Variants in RBM17 observed in about 807,000 individuals in gnomAD.
RBM17 encodes the protein RNA binding motif protein 17, also known as splicing factor 45.
In RBM17, 7 loss-of-function variants were observed where a neutral mutation model predicts 53.2. The ratio of observed to expected loss-of-function variants is 0.13; its 90% confidence interval spans 0.07 to 0.25. The LOEUF (loss-of-function observed/expected upper bound fraction) is 0.25. Ranked by LOEUF, RBM17 falls within the 10% of genes least tolerant of loss-of-function variation. The pLI is 1.00. For missense variants in RBM17, 257 were observed against 496.7 expected, an observed-to-expected ratio of 0.52 and a Z score of 4.59; for synonymous variants, 167 against 178.1, an observed-to-expected ratio of 0.94 and a Z score of 0.50.
At chr10:6,098,556 G>GGTTTTTTTTTTTTT (rs1840613398) in intron 2 of RBM17, among the ~76,000 whole-genome samples, 3 of 87,982 alleles carry the variant, frequency 3.4e-5, no homozygotes, top group South Asian at 4.3e-4. Context: ...TAATACACAG[G>GGTTTTTTTTTTTTT]TTTTTTGTTT....
intron 1 of RBM17, among the ~76,000 whole-genome samples, chr10:6,090,427 T>G (rs1012330687): frequency 6.6e-6 from 1 of 152,186 alleles, no homozygotes; most frequent in Non-Finnish European, 1.5e-5. Context: ...GCTTTATTTT[T>G]AGAGTTAGTT....
rs1254558099 is a variant in RBM17 at position 6,097,196 on chromosome 10, CA to C, written c.123+10del. On this transcript the variant is annotated intron_variant, in intron 2 of 11. Coordinates refer to ENST00000379888, the MANE Select transcript of RBM17 (RefSeq NM_032905.5). ...GCTCTCACTCAGGCAAAGGTAAAGA[CA>C]AGCCCAGAGCATGAGAGCAGAGGCC... The C allele has an allele frequency of 6.2e-7, 1 of 1,613,228 alleles. No individual in the cohort carries two copies. Among genetic ancestry groups the C allele is most frequent in the Non-Finnish European group, 8.5e-7 (1 of 1,179,462 alleles).
chr10:6,108,798 T>C (rs1840793721), intron 6 of RBM17, 56 bp downstream of exon 6: 7 of 1,400,002 alleles, frequency 5.0e-6, no homozygotes, highest in Admixed American at 3.6e-5. Flanking sequence ...AACCCAACCA[T>C]GGGGGATCTC....
intron 1 of RBM17, 74 bp from the exon 2 acceptor site, chr10:6,096,974 A>G (rs996102477): frequency 2.8e-6 from 4 of 1,439,232 alleles, no homozygotes; most frequent in Non-Finnish European, 2.8e-6. Context: ...CTAAAATTTC[A>G]TGATACTTAT....
At chr10:6,099,873 CATGGTGAAACCT>C (rs1431036604) in intron 2 of RBM17, among the ~76,000 whole-genome samples, 3 of 152,132 alleles carry the variant, frequency 2.0e-5, no homozygotes, top group African/African-American at 7.2e-5. Context: ...GCCTGACCAA[CATGGTGAAACCT>C]TATCTCTAAT....
At chr10:6,102,317 C>T (rs1165406698) in intron 3 of RBM17, among the ~76,000 whole-genome samples, 1 of 152,178 alleles carries the variant, frequency 6.6e-6, no homozygotes, top group Non-Finnish European at 1.5e-5. Context: ...CACTCCTGCC[C>T]ATCTGTTTCA....
intron 1 of RBM17, among the ~76,000 whole-genome samples, chr10:6,094,960 A>G (rs1424411553): frequency 6.6e-6 from 1 of 152,188 alleles, no homozygotes; most frequent in Non-Finnish European, 1.5e-5. Flanking sequence ...ACCTGGATCT[A>G]GGTTTTCTTG....
intron 2 of RBM17, among the ~76,000 whole-genome samples, chr10:6,098,516 A>T (rs1392280314): frequency 6.7e-6 from 1 of 148,704 alleles, no homozygotes; most frequent in African/African-American, 2.5e-5. Context: ...AATTAATATT[A>T]ATCTCTAATT....
chr10:6,113,714 A>G lies in RBM17; in HGVS notation c.930+133A>G, dbSNP rs1840872151. The G allele has an allele frequency of 1.6e-5, 11 of 672,152 alleles. No individual in the cohort carries two copies. In the East Asian group the frequency reaches 2.8e-4, roughly 17 times the overall value. 41.6% of individuals were successfully genotyped at this position (672,152 alleles called of 1,614,324 possible). ...ATAATACTTTGGGCAGATCCCACGT[A>G]AGGCTGATTTTAGATTTTTCACTAA... On this transcript the variant is annotated intron_variant, in intron 9 of 11. Coordinates refer to ENST00000379888, the MANE Select transcript of RBM17 (RefSeq NM_032905.5).
intron 1 of RBM17, among the ~76,000 whole-genome samples, chr10:6,094,279 G>A (rs1378127067): frequency 6.6e-6 from 1 of 152,236 alleles, no homozygotes; most frequent in Non-Finnish European, 1.5e-5. Context: ...CACCCGGCCT[G>A]GTGTGGAATG....
intron 2 of RBM17, among the ~76,000 whole-genome samples, chr10:6,100,669 C>CA (rs5782871): frequency 3.3e-5 from 5 of 151,700 alleles, no homozygotes; most frequent in African/African-American, 1.2e-4. Context: ...GATCCTGGTT[C>CA]AAAAAAAAAA....
chr10:6,100,342 C>T (rs546289080), intron 2 of RBM17, among the ~76,000 whole-genome samples: 29 of 152,216 alleles, frequency 1.9e-4, no homozygotes, highest in South Asian at 4.1e-4. Context: ...GACGGCCTGA[C>T]GCAGTGTGCC....
Position 6,089,575 on chromosome 10 carries a change from C to T in RBM17, c.-19+382C>T, listed in dbSNP as rs1564563524. The T allele has an allele frequency of 6.5e-6, 1 of 152,692 alleles. No homozygotes were observed. The highest frequency in any genetic ancestry group is 2.4e-5 in the African/African-American group (1 of 41,466). 9.5% of individuals were successfully genotyped at this position (152,692 alleles called of 1,614,324 possible). ...GAACCGAGTAGCCCGTAGCGTGTCC[C>T]CCCTGGCCCTGCACGGTTGCCCCTC... On this transcript the variant is annotated intron_variant, in intron 1 of 11. Coordinates refer to ENST00000379888, the MANE Select transcript of RBM17 (RefSeq NM_032905.5). This position sits in a 1 kb window ranked among gnomAD's most constrained non-coding sequence, Gnocchi z 5.6.
At chr10:6,115,018 TAGC>T in intron 10 of RBM17, 1 of 556,086 alleles carries the variant, frequency 1.8e-6, no homozygotes, top group Non-Finnish European at 3.2e-6. Context: ...AGAGACTGCC[TAGC>T]CCTGTGTTCC....
intron 1 of RBM17, among the ~76,000 whole-genome samples, chr10:6,094,006 A>C (rs574531722): frequency 4.2e-5 from 5 of 120,202 alleles, no homozygotes; most frequent in East Asian, 2.3e-4. Context: ...ACAGAGTCTC[A>C]CTCTGTCACA....
intron 2 of RBM17, among the ~76,000 whole-genome samples, chr10:6,098,314 G>A (rs779325017): frequency 2.0e-5 from 3 of 152,170 alleles, no homozygotes; most frequent in Non-Finnish European, 4.4e-5. Flanking sequence ...AAGGCTCCTT[G>A]CTGGGGAGGC....
rs560528783 is a variant in RBM17, at chr10:6,096,923, G to T, written c.-18-125G>T. 13 of 715,352 alleles carry T rather than the reference G, an allele frequency of 1.8e-5. No individual in the cohort carries two copies. In the South Asian group the frequency reaches 2.1e-4, roughly 11 times the overall value. The allele number at this position is 715,352 out of a possible 1,614,324, so 44.3% of individuals were successfully genotyped here. Reference sequence around the variant, plus strand: ...TAGCCCTACATTAATGGTACCAGGAGCCTGGGCCTCTGTTGCTGAAAGGTC... The same window carrying T: ...TAGCCCTACATTAATGGTACCAGGATCCTGGGCCTCTGTTGCTGAAAGGTC... On this transcript the variant is annotated intron_variant, in intron 1 of 11. Transcript: ENST00000379888.
intron 1 of RBM17, among the ~76,000 whole-genome samples, chr10:6,094,993 G>A (rs1417969788): frequency 3.9e-5 from 6 of 152,144 alleles, no homozygotes; most frequent in Non-Finnish European, 8.8e-5. Flanking sequence ...ATTAAACTAG[G>A]CTCTGAAGTG....
Position 6,101,320 on chromosome 10 carries a change from A to G in RBM17, c.173A>G (p.Lys58Arg). 1 of 1,613,732 alleles carries G rather than the reference A, an allele frequency of 6.2e-7. No individual in the cohort carries two copies. Among genetic ancestry groups the G allele is most frequent in the Non-Finnish European group, 8.5e-7 (1 of 1,179,954 alleles). Residue 58 changes from lysine (K) to arginine (R), a missense_variant, in exon 3 of 12, where the codon AAG becomes AGG. By Grantham distance (26) the Lys-to-Arg change is conservative. Coordinates refer to ENST00000379888, the MANE Select transcript of RBM17 (RefSeq NM_032905.5). ...GTCCTCGCCCCAGTCATTGACCTGA[A>G]GCGAGGTGGCTCCTCAGATGACCGG... ...STVLAPVIDL[K>R]RGGSSDDRQI...
Sources: gnomAD v4.1 joint callset for allele counts (sites outside exome capture counted in the v4.1 genomes callset) on GRCh38, gnomAD v4.1.1 for gene constraint, Gnocchi (gnomAD v3.1) non-coding constraint, MANE v1.5 for transcripts, NCBI Gene and HGNC (gene_info 2026-07-23, HGNC 2026-07-21) for gene names.